Variants in DCC observed in about 807,000 individuals in gnomAD.
DCC encodes the protein netrin receptor DCC.
Under a neutral mutation model 172.5 loss-of-function variants are expected in DCC, and 58 were observed. That is an observed-to-expected ratio of 0.34 (90% CI 0.27 to 0.42). The LOEUF is 0.42. DCC is among the 10% of genes least tolerant of loss of function. The pLI is 1.00. For synonymous variants in DCC, 709 were observed against 644.5 expected (o/e 1.10, Z -1.52); for missense variants, 1,740 against 1,791.0 (o/e 0.97, Z 0.51).
At chr18:52,403,789 T>A (rs921128971) in intron 1 of DCC, among the ~76,000 whole-genome samples, 1 of 152,038 alleles carries the variant, frequency 6.6e-6, no homozygotes, top group African/African-American at 2.4e-5. Flanking sequence ...ATTTCACACT[T>A]GAGAAGAGCC....
intron 2 of DCC, among the ~76,000 whole-genome samples, chr18:52,755,565 G>A (rs187775010): frequency 2.1e-4 from 32 of 152,278 alleles, no homozygotes; most frequent in African/African-American, 7.7e-4. Context: ...TGTTATGTCT[G>A]CTGAGGTTAA....
At chr18:53,123,674 T>C (rs149963379) in intron 7 of DCC, among the ~76,000 whole-genome samples, 1 of 152,186 alleles carries the variant, frequency 6.6e-6, no homozygotes, top group East Asian at 1.9e-4. Flanking sequence ...GTCATAGCTA[T>C]TTTTCCTTTG....
At chr18:53,006,774 G>T (rs1156739751) in intron 5 of DCC, among the ~76,000 whole-genome samples, 3 of 152,196 alleles carry the variant, frequency 2.0e-5, no homozygotes, top group Admixed American at 6.5e-5. Context: ...CCTATGAGCT[G>T]CTCTGACCTT....
intron 1 of DCC, among the ~76,000 whole-genome samples, chr18:52,413,434 ATCTT>A (rs200990617): frequency 7.9e-4 from 116 of 146,962 alleles, no homozygotes; most frequent in African/African-American, 2.7e-3. Flanking sequence ...CATCTATCTA[ATCTT>A]TCTATCTTTC....
chr18:52,891,786 C>T (rs1431738), intron 2 of DCC, among the ~76,000 whole-genome samples: 16,892 of 152,056 alleles, frequency 0.11, 1,030 homozygotes, highest in South Asian at 0.2. Context: ...GCTAGACTTT[C>T]TCCTTTCTTC....
At position 52,807,245 on chromosome 18, in the gene DCC, T is replaced by C. The variant is rs111441275; in HGVS notation, c.412+54871T>C. Among the ~76,000 whole-genome samples, 1,071 of 152,214 alleles carry C rather than the reference T, an allele frequency of 7.0e-3. 7 individuals are homozygous for C. The highest frequency in any genetic ancestry group is 0.024 in the African/African-American group (1,002 of 41,536). On this transcript the variant is annotated intron_variant, in intron 2 of 28. Transcript: ENST00000442544. The stretch of plus-strand genomic sequence containing the variant: ...TACTTTACCTAGGTCACATAGGCAT[T>C]ATACTGGGTAATACTAGACGCACTG...
chr18:52,369,293 C>A (rs183323248), intron 1 of DCC, among the ~76,000 whole-genome samples: 3 of 151,702 alleles, frequency 2.0e-5, no homozygotes, highest in Admixed American at 2.0e-4. Context: ...TTCCTCCCCA[C>A]TTTAGATCCT....
At chr18:53,233,774 A>T (rs2056157975) in intron 12 of DCC, among the ~76,000 whole-genome samples, 1 of 152,196 alleles carries the variant, frequency 6.6e-6, no homozygotes, top group Admixed American at 6.6e-5. Context: ...CAAAAGTGAG[A>T]TACAGGAATG....
At chr18:53,066,017 ATACTT>A in intron 6 of DCC, 24 bp from the exon 7 acceptor site, 1 of 1,611,584 alleles carries the variant, frequency 6.2e-7, no homozygotes, top group Middle Eastern at 1.7e-4. Context: ...GCTTTCTAAA[ATACTT>A]TACCTGCTTT....
At chr18:53,169,696 T>TG (rs1009600896) in intron 8 of DCC, among the ~76,000 whole-genome samples, 4 of 152,114 alleles carry the variant, frequency 2.6e-5, no homozygotes, top group African/African-American at 9.7e-5. Context: ...GGAGGAGGCT[T>TG]GGGGTCCCTG....
chr18:53,157,989 T>A (rs965525709), intron 8 of DCC, among the ~76,000 whole-genome samples: 1 of 152,204 alleles, frequency 6.6e-6, no homozygotes, highest in Non-Finnish European at 1.5e-5. Flanking sequence ...GGATTGTTTG[T>A]AATGCAAAAG....
At chr18:53,424,610 G>A (rs1207491336) in intron 21 of DCC, among the ~76,000 whole-genome samples, 1 of 150,878 alleles carries the variant, frequency 6.6e-6, no homozygotes, top group Non-Finnish European at 1.5e-5. Context: ...AAATATATGA[G>A]TAGAACTAGA....
At chr18:53,060,326 C>T (rs1453380581) in intron 5 of DCC, among the ~76,000 whole-genome samples, 1 of 152,038 alleles carries the variant, frequency 6.6e-6, no homozygotes. Flanking sequence ...CCTGGTTAGA[C>T]TTAGACTCAT....
chr18:53,110,698 G>C (rs2043317350), intron 7 of DCC, among the ~76,000 whole-genome samples: 1 of 141,752 alleles, frequency 7.1e-6, no homozygotes, highest in South Asian at 2.3e-4. Context: ...ACCACAATGA[G>C]ATACCATCTC....
chr18:52,713,941 T>C (rs372681929), intron 1 of DCC, among the ~76,000 whole-genome samples: 47 of 152,294 alleles, frequency 3.1e-4, no homozygotes, highest in African/African-American at 9.6e-4. Context: ...AAGCAGGTCT[T>C]ATGAAGATAT....
intron 12 of DCC, among the ~76,000 whole-genome samples, chr18:53,260,605 C>G (rs1358225058): frequency 6.6e-6 from 1 of 152,130 alleles, no homozygotes; most frequent in Non-Finnish European, 1.5e-5. Context: ...AGGTGTCAGT[C>G]TGCCCCTACT....
At chr18:53,262,664 T>C (rs1318727152) in intron 12 of DCC, among the ~76,000 whole-genome samples, 1 of 152,218 alleles carries the variant, frequency 6.6e-6, no homozygotes, top group African/African-American at 2.4e-5. Flanking sequence ...GAAGGATAAA[T>C]AGAAACCCTT....
At chr18:52,494,578 T>C (rs560649663) in intron 1 of DCC, among the ~76,000 whole-genome samples, 12 of 152,206 alleles carry the variant, frequency 7.9e-5, no homozygotes, top group African/African-American at 2.9e-4. Context: ...CTAATCCTGT[T>C]TTATGCAATG....
intron 7 of DCC, among the ~76,000 whole-genome samples, chr18:53,113,113 T>G (rs1333986125): frequency 2.0e-5 from 3 of 151,434 alleles, no homozygotes; most frequent in Non-Finnish European, 3.0e-5. Flanking sequence ...TTTTAAAAAT[T>G]AAACTGAATC....
Sources: allele counts gnomAD v4.1 joint callset (sites outside exome capture counted in the v4.1 genomes callset), GRCh38; gene constraint gnomAD v4.1.1; transcripts MANE v1.5; gene names NCBI Gene and HGNC (gene_info 2026-07-23, HGNC 2026-07-21).